Variants in UBXN7 observed in about 807,000 individuals in gnomAD.
UBXN7 encodes UBX domain-containing protein 7.
A neutral mutation model predicts 58.0 loss-of-function variants in UBXN7; 9 were observed. That is an observed-to-expected ratio of 0.16 (90% CI 0.09 to 0.27). The LOEUF is 0.27. Ranked by LOEUF, UBXN7 falls within the 10% of genes least tolerant of loss-of-function variation. UBXN7 has a pLI of 1.00. For synonymous variants in UBXN7, 208 were observed against 205.0 expected, an observed-to-expected ratio of 1.01 and a Z score of -0.12; for missense variants, 328 against 599.6, an observed-to-expected ratio of 0.55 and a Z score of 4.73.
At chr3:196,375,552 G>C (rs1728993614) in intron 5 of UBXN7, among the ~76,000 whole-genome samples, 1 of 152,162 alleles carries the variant, frequency 6.6e-6, no homozygotes, top group Non-Finnish European at 1.5e-5. Flanking sequence ...GGAGGTGAGA[G>C]TGGGCCATGA....
chr3:196,379,549 C>T (rs1028748518), intron 5 of UBXN7, among the ~76,000 whole-genome samples: 1 of 152,178 alleles, frequency 6.6e-6, no homozygotes, highest in African/African-American at 2.4e-5. Context: ...GATTCAACTT[C>T]CGTAACTTCT....
At chr3:196,403,440 G>A (rs1282675217) in intron 2 of UBXN7, among the ~76,000 whole-genome samples, 1 of 152,112 alleles carries the variant, frequency 6.6e-6, no homozygotes, top group Non-Finnish European at 1.5e-5. Flanking sequence ...AGGATTACAG[G>A]CATGAGCTAC....
chr3:196,363,268 AT>A (rs1047304906), intron 8 of UBXN7, among the ~76,000 whole-genome samples: 4 of 149,250 alleles, frequency 2.7e-5, no homozygotes, highest in African/African-American at 4.9e-5. Context: ...ATATACACAT[AT>A]TTTTTTTTCT....
At chr3:196,364,921 G>T (rs1244040023) in intron 8 of UBXN7, among the ~76,000 whole-genome samples, 1 of 151,972 alleles carries the variant, frequency 6.6e-6, no homozygotes, top group Admixed American at 6.6e-5. Flanking sequence ...GCAAGTAGAG[G>T]TGTCTATGTG....
At chr3:196,429,039 G>A (rs866381668) in intron 1 of UBXN7, among the ~76,000 whole-genome samples, 123 of 148,988 alleles carry the variant, frequency 8.3e-4, no homozygotes, top group Middle Eastern at 3.5e-3. Flanking sequence ...TCAAAAATCC[G>A]TCATTAGGCC....
At chr3:196,426,294 G>A (rs1206418333) in intron 1 of UBXN7, among the ~76,000 whole-genome samples, 1 of 150,098 alleles carries the variant, frequency 6.7e-6, no homozygotes, top group Non-Finnish European at 1.5e-5. Flanking sequence ...GCTGAGGCAG[G>A]AGAATCACTT....
chr3:196,405,608 C>T (rs1231043347), intron 2 of UBXN7, among the ~76,000 whole-genome samples: 3 of 151,842 alleles, frequency 2.0e-5, no homozygotes, highest in Non-Finnish European at 4.4e-5. Context: ...CAATCTCAGA[C>T]AACTCAGTTG....
At chr3:196,413,214 C>T (rs546379955) in intron 1 of UBXN7, among the ~76,000 whole-genome samples, 3 of 151,986 alleles carry the variant, frequency 2.0e-5, no homozygotes, top group East Asian at 1.9e-4. Context: ...GGTGGGCACC[C>T]GTAATCCCAG....
At chr3:196,368,531 T>A (rs1199408626) in intron 7 of UBXN7, among the ~76,000 whole-genome samples, 14 of 152,228 alleles carry the variant, frequency 9.2e-5, no homozygotes, top group Admixed American at 9.2e-4. Context: ...AGCACATGCA[T>A]AAAGTGTACT....
intron 5 of UBXN7, among the ~76,000 whole-genome samples, chr3:196,376,374 C>T (rs190824322): frequency 4.6e-5 from 7 of 151,622 alleles, no homozygotes; most frequent in Admixed American, 2.6e-4. Flanking sequence ...GGTGAAACCT[C>T]GTCTCTACTA....
chr3:196,361,582 CCAAT>C (rs1728506562), intron 10 of UBXN7, among the ~76,000 whole-genome samples: 1 of 152,138 alleles, frequency 6.6e-6, no homozygotes, highest in Non-Finnish European at 1.5e-5. Context: ...ACCCATCACC[CCAAT>C]CAGTCAGTAG....
chr3:196,428,120 TCGAAAACAAAAA>T (rs1324931524), intron 1 of UBXN7, among the ~76,000 whole-genome samples: 1 of 149,690 alleles, frequency 6.7e-6, no homozygotes, highest in Non-Finnish European at 1.5e-5. Context: ...TGAAATTCTG[TCGAAAACAAAAA>T]CAAAAACAAA....
At chr3:196,411,726 G>A (rs1286789771) in intron 1 of UBXN7, among the ~76,000 whole-genome samples, 8 of 152,026 alleles carry the variant, frequency 5.3e-5, no homozygotes, top group South Asian at 2.1e-4. Flanking sequence ...CAGGAGAATC[G>A]CTTAACCTGG....
chr3:196,403,144 T>C, intron 2 of UBXN7, 125 bp from the exon 3 acceptor site: 1 of 1,005,328 alleles, frequency 9.9e-7, no homozygotes, highest in South Asian at 1.7e-5. Context: ...AATAATAAGT[T>C]TTTGTGTTGC....
rs904104259 is a variant in UBXN7 at position 196,386,158 on chromosome 3, T to TA, written c.468+5654dup. ...AAGGGCGGTGCAAGATGTGCTTTGT[T>TA]AAACAGATGCTTGAAGGCAGCATAC... On this transcript the variant is annotated intron_variant, in intron 5 of 10. Transcript: ENST00000296328. Among the ~76,000 whole-genome samples, 182 of 152,084 alleles carry TA rather than the reference T, an allele frequency of 1.2e-3. 1 individual carries two copies. Among genetic ancestry groups the TA allele is most frequent in the African/African-American group, 4.2e-3 (174 of 41,490 alleles).
intron 3 of UBXN7, among the ~76,000 whole-genome samples, chr3:196,402,114 C>T (rs1343935967): frequency 6.6e-6 from 1 of 152,080 alleles, no homozygotes; most frequent in Non-Finnish European, 1.5e-5. Context: ...CTCAGCCTCC[C>T]GGTTTAAGCA....
At chr3:196,399,824 A>G (rs1729902777) in intron 3 of UBXN7, 1 of 152,236 alleles carries the variant, frequency 6.6e-6, no homozygotes, top group African/African-American at 2.4e-5. Flanking sequence ...AAGCCACCAC[A>G]TGAATTCAAC....
chr3:196,377,075 A>C (rs1217306893), intron 5 of UBXN7, among the ~76,000 whole-genome samples: 1 of 151,670 alleles, frequency 6.6e-6, no homozygotes, highest in Non-Finnish European at 1.5e-5. Flanking sequence ...AAGAAATATT[A>C]CCGAAATTGT....
chr3:196,364,706 T>TC (rs1728609429), intron 8 of UBXN7, among the ~76,000 whole-genome samples: 1 of 151,344 alleles, frequency 6.6e-6, no homozygotes, highest in African/African-American at 2.4e-5. Flanking sequence ...GCTGGTTGTT[T>TC]TTTTTTTTTG....
Sources: allele counts gnomAD v4.1 joint callset (sites outside exome capture counted in the v4.1 genomes callset), GRCh38; gene constraint gnomAD v4.1.1; transcripts MANE v1.5; gene names NCBI Gene and HGNC (gene_info 2026-07-23, HGNC 2026-07-21).